The following MAT2A variants were observed in gnomAD, a reference collection of about 807,000 sequenced individuals.
MAT2A encodes S-adenosylmethionine synthase isoform type-2.
A neutral mutation model predicts 43.9 loss-of-function variants in MAT2A; 3 were observed. That is an observed-to-expected ratio of 0.07 (90% confidence interval 0.03 to 0.18). MAT2A has a LOEUF of 0.18. Ranked by LOEUF, MAT2A falls within the 10% of genes least tolerant of loss-of-function variation. MAT2A has a pLI of 1.00. For missense variants in MAT2A, 204 were observed against 489.0 expected (o/e 0.42, Z 5.50); for synonymous variants, 200 against 168.4 (o/e 1.19, Z -1.45).
chr2:85,544,876 T>G lies in MAT2A; in HGVS notation c.*1104T>G, dbSNP rs1691581430. 1 of 152,600 alleles carries G rather than the reference T, an allele frequency of 6.6e-6. No individual in the cohort carries two copies. The highest frequency in any genetic ancestry group is 6.5e-5 in the Admixed American group (1 of 15,272). 9.5% of individuals were successfully genotyped at this position (152,600 alleles called of 1,614,324 possible). A position where few individuals can be genotyped will look rare whatever the true frequency, so the allele number is the denominator to read the frequency against. On this transcript the variant is annotated 3_prime_UTR_variant, in exon 9 of 9. Transcript: ENST00000306434. ...GAACGTTTTCTAATTGCTTATTTAT[T>G]GTATTCTGGGGTATGGCGTAAGTAC...
intron 3 of MAT2A, 73 bp downstream of exon 3, chr2:85,541,450 C>T (rs765312348): frequency 2.5e-5 from 39 of 1,540,268 alleles, no homozygotes; most frequent in Non-Finnish European, 3.4e-5. Flanking sequence ...CTAGAATGTT[C>T]CTGCTAATCC....
intron 8 of MAT2A, 185 bp downstream of exon 8, chr2:85,543,219 C>T (rs750030588): frequency 3.5e-5 from 22 of 636,854 alleles, no homozygotes; most frequent in Non-Finnish European, 4.0e-5. Context: ...TTTAAAATTA[C>T]GGTGCTCCAT....
rs1239325849 is a variant in MAT2A, at chr2:85,541,849, C to A, written c.426C>A (p.Ala142=). 1.2e-6 allele frequency: 2 copies of A among 1,614,144 alleles called. No individual in the cohort carries two copies. The highest frequency in any genetic ancestry group is 8.5e-7 in the Non-Finnish European group (1 of 1,179,984). Residue 142 remains alanine, a synonymous_variant, in exon 5 of 9, where the codon GCC becomes GCA. Transcript: ENST00000306434. Reference sequence around the variant, plus strand: ...TTTAGGGCTTAATGTTTGGCTATGCCACTGATGAAACTGAGGAGTGTATGC... The same window carrying A: ...TTTAGGGCTTAATGTTTGGCTATGCAACTGATGAAACTGAGGAGTGTATGC... The part of the protein sequence containing the change: ...AGDQGLMFGY[A]TDETEECMPL...
At position 85,544,472 on chromosome 2, in the gene MAT2A, CTT is replaced by C. The variant is rs1346298077; in HGVS notation, c.*703_*704del. 1 of 152,660 alleles carries C rather than the reference CTT, an allele frequency of 6.6e-6. No individual in the cohort carries two copies. The highest frequency in any genetic ancestry group is 1.5e-5 in the Non-Finnish European group (1 of 68,044). The allele number at this position is 152,660 out of a possible 1,614,324, so 9.5% of individuals were successfully genotyped here. A position where few individuals can be genotyped will look rare whatever the true frequency, so the allele number is the denominator to read the frequency against. On this transcript the variant is annotated 3_prime_UTR_variant, in exon 9 of 9. Coordinates refer to ENST00000306434, the MANE Select transcript of MAT2A (RefSeq NM_005911.6). ...TCAAAATCTCTCCACTTTCAGCTGT[CTT>C]TTGGAGGACGTACGTAATAAGGTTT...
intron 1 of MAT2A, chr2:85,539,901 CT>C (rs1274171696): frequency 6.5e-6 from 1 of 153,776 alleles, no homozygotes; most frequent in East Asian, 1.9e-4. Context: ...GGGCCTATGC[CT>C]TGGGACGTCG....
In MAT2A at chr2:85,541,037, T is replaced by A. The variant is rs774077916; in HGVS notation, c.92-46T>A. The A allele has an allele frequency of 5.8e-6, 8 of 1,384,810 alleles. No individual in the cohort carries two copies. In the East Asian group the frequency reaches 6.9e-5, roughly 12 times the overall value. 85.8% of individuals were successfully genotyped at this position (1,384,810 alleles called of 1,614,324 possible). ...GGAGCTTGCATACATACATACATACTTTGTTTAAAGTTAAAGAAACTGAGC... is the reference window on the plus strand; with the variant it reads ...GGAGCTTGCATACATACATACATACATTGTTTAAAGTTAAAGAAACTGAGC... On this transcript the variant is annotated intron_variant, in intron 1 of 8. Coordinates refer to ENST00000306434, the MANE Select transcript of MAT2A (RefSeq NM_005911.6).
chr2:85,539,229 A>AGCCGCTGCCGCCTC lies in MAT2A; in HGVS notation c.-50_-37dup. ...GCTGTCCGCAGCTTGCGCATTTCGC[A>AGCCGCTGCCGCCTC]GCCGCTGCCGCCTCGCCGCTGCTCC... On this transcript the variant is annotated 5_prime_UTR_variant, in exon 1 of 9. Coordinates refer to ENST00000306434, the MANE Select transcript of MAT2A (RefSeq NM_005911.6). The AGCCGCTGCCGCCTC allele has an allele frequency of 7.8e-7, 1 of 1,276,528 alleles. No individual in the cohort carries two copies. The highest frequency in any genetic ancestry group is 2.0e-5 in the Admixed American group (1 of 50,594). 79.1% of individuals were successfully genotyped at this position (1,276,528 alleles called of 1,614,324 possible). A position where few individuals can be genotyped will look rare whatever the true frequency, so the allele number is the denominator to read the frequency against.
chr2:85,541,061 G>C (rs377558943), intron 1 of MAT2A, 22 bp from the exon 2 acceptor site: 3 of 1,576,938 alleles, frequency 1.9e-6, no homozygotes, highest in South Asian at 2.3e-5. Context: ...AAGAAACTGA[G>C]CCAGGAATTT....
rs1691581828 is a variant in MAT2A, at chr2:85,544,889, A to G, written c.*1117A>G. On this transcript the variant is annotated 3_prime_UTR_variant, in exon 9 of 9. Transcript: ENST00000306434. ...TTGCTTATTTATTGTATTCTGGGGT[A>G]TGGCGTAAGTACAGAGAAGCCATCA... 1 of 152,584 alleles carries G rather than the reference A, an allele frequency of 6.6e-6. No individual in the cohort carries two copies. Among genetic ancestry groups the G allele is most frequent in the Admixed American group, 6.5e-5 (1 of 15,274 alleles). The allele number at this position is 152,584 out of a possible 1,614,324, so 9.5% of individuals were successfully genotyped here.
chr2:85,544,972 TAAC>T lies in MAT2A; in HGVS notation c.*1205_*1207del, dbSNP rs749255803. ...TTTTCTCTCAACACCATGATTCCTT[TAAC>T]AACATGTTTCCAGCATTCCCAGGTA... On this transcript the variant is annotated 3_prime_UTR_variant, in exon 9 of 9. Transcript: ENST00000306434. 66 of 152,566 alleles carry T rather than the reference TAAC, an allele frequency of 4.3e-4. No homozygotes were observed. The highest frequency in any genetic ancestry group is 9.2e-4 in the Admixed American group (14 of 15,262). 9.5% of individuals were successfully genotyped at this position (152,566 alleles called of 1,614,324 possible).
In MAT2A at chr2:85,543,039, A is replaced by G. The variant is rs1162286333; in HGVS notation, c.1085+5A>G. ...CCGCCCTGGGGTCATTGTCAGGTAA[A>G]GATGGTAAAGCCTGTTGCTAGTCAA... On this transcript the variant is annotated splice_donor_5th_base_variant and intron_variant, in intron 8 of 8. Coordinates refer to ENST00000306434, the MANE Select transcript of MAT2A (RefSeq NM_005911.6). 1.2e-6 allele frequency: 2 copies of G among 1,611,530 alleles called. No individual in the cohort carries two copies. The highest frequency in any genetic ancestry group is 1.3e-5 in the African/African-American group (1 of 74,950).
Position 85,543,728 on chromosome 2 carries a change from A to G in MAT2A, c.1144A>G (p.Arg382Gly). ...QRTAAYGHFG[R>G]DSFPWEVPKK... Reference sequence around the variant, plus strand: ...GACTGCAGCCTATGGCCACTTTGGTAGGGACAGCTTCCCATGGGAAGTGCC... The same window carrying G: ...GACTGCAGCCTATGGCCACTTTGGTGGGGACAGCTTCCCATGGGAAGTGCC... Residue 382 changes from arginine to glycine, a missense_variant, in exon 9 of 9, where the codon AGG (arginine) becomes GGG (glycine). Arg to Gly is a moderately radical substitution (Grantham distance 125). Transcript: ENST00000306434. The G allele has an allele frequency of 6.2e-7, 1 of 1,612,782 alleles. No individual in the cohort carries two copies. Among genetic ancestry groups the G allele is most frequent in the Non-Finnish European group, 8.5e-7 (1 of 1,179,290 alleles).
At chr2:85,543,320 A>AGTGG (rs1324389008) in intron 8 of MAT2A, 5 of 421,802 alleles carry the variant, frequency 1.2e-5, no homozygotes, top group African/African-American at 1.0e-4. Context: ...ATAGAGATAA[A>AGTGG]GTGGGTTGCT....
downstream of MAT2A, chr2:85,545,281 CTG>C (rs772325888): frequency 3.9e-5 from 6 of 152,724 alleles, no homozygotes; most frequent in East Asian, 5.8e-4. Flanking sequence ...TCTACCTTAA[CTG>C]TGTCTGTTAC....
At chr2:85,543,297 G>T in intron 8 of MAT2A, 1 of 459,412 alleles carries the variant, frequency 2.2e-6, no homozygotes, top group Non-Finnish European at 4.0e-6. Flanking sequence ...TTCTACTTAA[G>T]GGTGTTAAGA....
At chr2:85,542,526 A>G (rs2103918522) in intron 6 of MAT2A, 39 bp from the exon 7 acceptor site, 3 of 1,584,942 alleles carry the variant, frequency 1.9e-6, no homozygotes, top group South Asian at 1.1e-5. Flanking sequence ...CCACTTGGAA[A>G]GCACTAGGCG....
At position 85,542,330 on chromosome 2, in the gene MAT2A, A is replaced by G; in HGVS notation, c.725A>G (p.Tyr242Cys). The part of the protein sequence containing the change: ...PAKYLDEDTI[Y>C]HLQPSGRFVI... ...AAATACCTTGATGAGGATACAATCT[A>G]CCACCTACAGCCAAGTGGCAGATTT... is the stretch of plus-strand genomic sequence containing the variant. The change falls in exon 6 of 9, where the codon TAC becomes TGC. Residue 242 changes from tyrosine (Y) to cysteine (C), a missense_variant. Tyr to Cys is a radical substitution (Grantham distance 194, BLOSUM62 -2). Coordinates refer to ENST00000306434, the MANE Select transcript of MAT2A (RefSeq NM_005911.6). The G allele has an allele frequency of 6.2e-7, 1 of 1,614,246 alleles. No homozygotes were observed. The highest frequency in any genetic ancestry group is 8.5e-7 in the Non-Finnish European group (1 of 1,180,046).
chr2:85,542,754 A>T lies in MAT2A; in HGVS notation c.951+7A>T. On this transcript the variant is annotated splice_region_variant and intron_variant, in intron 7 of 8. Coordinates refer to ENST00000306434, the MANE Select transcript of MAT2A (RefSeq NM_005911.6). The stretch of plus-strand genomic sequence containing the variant: ...CCGGAGGGTTCTTGTTCAGGTATAC[A>T]CTCTTTATATAACGAACGATTAAAA... 6.3e-7 allele frequency: 1 copy of T among 1,598,938 alleles called. No individual in the cohort carries two copies. The highest frequency in any genetic ancestry group is 8.5e-7 in the Non-Finnish European group (1 of 1,170,126).
Position 85,541,352 on chromosome 2 carries a change from C to G in MAT2A, c.267C>G (p.His89Gln). ...AAGTGGTTCGTGAAGCTGTTAAACACATTGGATATGATGATTCTTCCAAAG... is the reference window on the plus strand; with the variant it reads ...AAGTGGTTCGTGAAGCTGTTAAACAGATTGGATATGATGATTCTTCCAAAG... ...YQKVVREAVK[H>Q]IGYDDSSKGF... The change falls in exon 3 of 9, where the codon CAC (histidine) becomes CAG (glutamine). Residue 89 changes from histidine (H) to glutamine (Q), a missense_variant. His to Gln is a conservative substitution (Grantham distance 24, BLOSUM62 0). Coordinates refer to ENST00000306434, the MANE Select transcript of MAT2A (RefSeq NM_005911.6). The G allele has an allele frequency of 6.2e-7, 1 of 1,613,650 alleles. No individual in the cohort carries two copies. Among genetic ancestry groups the G allele is most frequent in the Non-Finnish European group, 8.5e-7 (1 of 1,179,986 alleles).
Sources: allele counts gnomAD v4.1 joint callset, GRCh38; gene constraint gnomAD v4.1.1; transcripts MANE v1.5; gene names NCBI Gene and HGNC (gene_info 2026-07-23, HGNC 2026-07-21).